The following MALRD1 variants were observed in gnomAD, a reference collection of about 807,000 sequenced individuals.
MALRD1 encodes the protein MAM and LDL receptor class A domain containing 1, also known as MAM and LDL-receptor class A domain-containing protein 1.
In MALRD1, 247 loss-of-function variants were observed where a neutral mutation model predicts 242.1. That is an observed-to-expected ratio of 1.02 (90% CI 0.92 to 1.13). MALRD1 has a LOEUF of 1.13. MALRD1 is among the 50% of genes most tolerant of loss of function. The pLI is 0.00. For synonymous variants in MALRD1, 995 were observed against 866.6 expected (o/e 1.15, Z -2.60); for missense variants, 2,989 against 2,533.1 (o/e 1.18, Z -3.86).
intron 26 of MALRD1, among the ~76,000 whole-genome samples, chr10:19,355,026 A>G (rs1175630568): frequency 6.6e-6 from 1 of 152,198 alleles, no homozygotes; most frequent in Non-Finnish European, 1.5e-5. Flanking sequence ...AGAATTTGGA[A>G]CCACACTTAG....
chr10:19,500,401 A>G (rs999605522), intron 31 of MALRD1, among the ~76,000 whole-genome samples: 3 of 152,218 alleles, frequency 2.0e-5, no homozygotes, highest in Non-Finnish European at 4.4e-5. Flanking sequence ...TGGGCAAAAG[A>G]TGGACTATAC....
At chr10:19,729,721 C>CTTTTTTTATT (rs1835201944) in intron 38 of MALRD1, among the ~76,000 whole-genome samples, 1 of 40,642 alleles carries the variant, frequency 2.5e-5, no homozygotes, top group Non-Finnish European at 4.2e-5. Context: ...TCTATTAATT[C>CTTTTTTTATT]TTTTTTTTTT....
intron 21 of MALRD1, chr10:19,290,374 C>G (rs999029208): frequency 2.6e-5 from 4 of 152,298 alleles, no homozygotes; most frequent in Non-Finnish European, 5.9e-5. Context: ...TGAGTGGATT[C>G]TCCCTTTCTC....
At chr10:19,505,499 A>G (rs1833081168) in intron 31 of MALRD1, among the ~76,000 whole-genome samples, 1 of 152,222 alleles carries the variant, frequency 6.6e-6, no homozygotes, top group Admixed American at 6.5e-5. Flanking sequence ...AAGAGGCCTC[A>G]GGAGAAATCA....
chr10:19,131,417 A>C (rs1833100148), intron 8 of MALRD1, among the ~76,000 whole-genome samples: 1 of 152,120 alleles, frequency 6.6e-6, no homozygotes, highest in African/African-American at 2.4e-5. Context: ...GAATCAGCTC[A>C]AGTGTGTAGC....
chr10:19,189,070 G>T (rs1835863045), intron 14 of MALRD1, among the ~76,000 whole-genome samples: 1 of 151,876 alleles, frequency 6.6e-6, no homozygotes, highest in South Asian at 2.1e-4. Flanking sequence ...GAGAGGGAGA[G>T]ACAAAGAGAG....
chr10:19,286,878 T>A (rs950151193), intron 21 of MALRD1, among the ~76,000 whole-genome samples: 5 of 150,234 alleles, frequency 3.3e-5, no homozygotes, highest in Non-Finnish European at 7.4e-5. Context: ...AAAAGAGAAT[T>A]TTAGACCAAT....
intron 32 of MALRD1, among the ~76,000 whole-genome samples, chr10:19,557,386 T>C (rs191110634): frequency 7.9e-5 from 12 of 152,246 alleles, no homozygotes; most frequent in Non-Finnish European, 1.6e-4. Context: ...GATTTTCCCC[T>C]ATGTTATCTT....
chr10:19,199,223 C>T (rs549890970), intron 14 of MALRD1, among the ~76,000 whole-genome samples: 4 of 152,118 alleles, frequency 2.6e-5, no homozygotes, highest in East Asian at 1.9e-4. Context: ...GACTTAACAG[C>T]GATTATTATT....
chr10:19,577,737 A>C (rs1836899854), intron 33 of MALRD1, among the ~76,000 whole-genome samples: 1 of 152,048 alleles, frequency 6.6e-6, no homozygotes, highest in Non-Finnish European at 1.5e-5. Flanking sequence ...ATGCATTAAT[A>C]TATATGTAAC....
chr10:19,202,571 T>G (rs1318337753), intron 14 of MALRD1, among the ~76,000 whole-genome samples: 2 of 152,208 alleles, frequency 1.3e-5, no homozygotes, highest in African/African-American at 4.8e-5. Flanking sequence ...TTTAGTGATT[T>G]AGTTTACACT....
At chr10:19,519,238 TATGA>T (rs552008386) in intron 31 of MALRD1, among the ~76,000 whole-genome samples, 351 of 152,272 alleles carry the variant, frequency 2.3e-3, no homozygotes, top group Non-Finnish European at 4.2e-3. Context: ...TTATTTACAC[TATGA>T]ATATCAGTTT....
At chr10:19,607,716 T>G in intron 34 of MALRD1, 61 bp from the exon 35 acceptor site, 4 of 1,514,446 alleles carry the variant, frequency 2.6e-6, no homozygotes, top group Non-Finnish European at 3.5e-6. Context: ...GTTGTGAGAA[T>G]TCATTGGGAC....
In MALRD1 at chr10:19,171,457, T is replaced by TACACACAC. The variant is rs60515694; in HGVS notation, c.1831-3744_1831-3743insCACACACA. ...ATATATATATATATATATATATATA[T>TACACACAC]ACACACATGTATATACACACACACA... On this transcript the variant is annotated intron_variant, in intron 13 of 39. Coordinates refer to ENST00000454679, the MANE Select transcript of MALRD1 (RefSeq NM_001142308.3). Among the ~76,000 whole-genome samples, 13 of 74,546 alleles carry TACACACAC rather than the reference T, an allele frequency of 1.7e-4. 1 individual carries two copies. The highest frequency in any genetic ancestry group is 3.3e-4 in the African/African-American group (8 of 23,892). The allele number at this position is 74,546 out of a possible 152,430, so 48.9% of individuals were successfully genotyped here. A position where few individuals can be genotyped will look rare whatever the true frequency, so the allele number is the denominator to read the frequency against.
At chr10:19,065,701 A>G (rs1834958184) in intron 1 of MALRD1, among the ~76,000 whole-genome samples, 1 of 152,210 alleles carries the variant, frequency 6.6e-6, no homozygotes, top group African/African-American at 2.4e-5. Flanking sequence ...GGTATTGTGA[A>G]CAACCATGTG....
At chr10:19,695,655 G>A (rs1768083249) in intron 38 of MALRD1, among the ~76,000 whole-genome samples, 1 of 151,818 alleles carries the variant, frequency 6.6e-6, no homozygotes, top group Admixed American at 6.6e-5. Flanking sequence ...GAGTAGCTGG[G>A]ATTACAGGTA....
intron 31 of MALRD1, among the ~76,000 whole-genome samples, chr10:19,529,425 A>C (rs1317649209): frequency 6.6e-6 from 1 of 152,068 alleles, no homozygotes; most frequent in African/African-American, 2.4e-5. Context: ...TGCAAATTCA[A>C]AGTCAGTCCC....
chr10:19,325,485 C>T (rs1233687576), intron 22 of MALRD1, among the ~76,000 whole-genome samples: 1 of 151,654 alleles, frequency 6.6e-6, no homozygotes, highest in Admixed American at 6.6e-5. Flanking sequence ...ATTCAGATTC[C>T]CAAGTCCTGT....
At chr10:19,462,354 A>G (rs1016109539) in intron 29 of MALRD1, among the ~76,000 whole-genome samples, 3 of 152,180 alleles carry the variant, frequency 2.0e-5, no homozygotes, top group African/African-American at 4.8e-5. Context: ...AGTTTACTGA[A>G]ATTATTCAAA....
Sources: gnomAD v4.1 joint callset for allele counts (sites outside exome capture counted in the v4.1 genomes callset) on GRCh38, gnomAD v4.1.1 for gene constraint, MANE v1.5 for transcripts, NCBI Gene and HGNC (gene_info 2026-07-23, HGNC 2026-07-21) for gene names.